ACVR2A: variants seen among roughly 807,000 people sequenced by gnomAD.
The protein encoded by ACVR2A is activin A receptor type 2A.
Under a neutral mutation model 61.4 loss-of-function variants are expected in ACVR2A, and 7 were observed. That is an observed-to-expected ratio of 0.11 (90% confidence interval 0.06 to 0.21). ACVR2A has a LOEUF of 0.21. Among genes scored for constraint, ACVR2A ranks in the 10% least tolerant of loss-of-function variants. The probability of loss-of-function intolerance (pLI) is 1.00; values close to 1 mark genes in which losing one functional copy is unlikely to be tolerated. For missense variants in ACVR2A, 322 were observed against 621.7 expected, an observed-to-expected ratio of 0.52 and a Z score of 5.13; for synonymous variants, 193 against 208.3, an observed-to-expected ratio of 0.93 and a Z score of 0.63.
chr2:147,847,576 A>G (rs1685344358), intron 1 of ACVR2A, among the ~76,000 whole-genome samples: 1 of 152,124 alleles, frequency 6.6e-6, no homozygotes, highest in Non-Finnish European at 1.5e-5. Flanking sequence ...AGGGATGTTT[A>G]CTATTTCGTG....
At chr2:147,925,826 C>A in intron 9 of ACVR2A, 1 of 478,870 alleles carries the variant, frequency 2.1e-6, no homozygotes, top group Non-Finnish European at 3.6e-6. Flanking sequence ...GAATTACATG[C>A]CAAATTATAG....
chr2:147,899,775 C>G lies in ACVR2A; in HGVS notation c.405C>G (p.Pro135=). 1 of 1,613,704 alleles carries G rather than the reference C, an allele frequency of 6.2e-7. No individual in the cohort carries two copies. The highest frequency in any genetic ancestry group is 8.5e-7 in the Non-Finnish European group (1 of 1,179,704). The part of the protein sequence containing the change: ...PTSNPVTPKP[P]YYNILLYSLV... ...CAAATCCAGTTACACCTAAGCCACC[C>G]TATTACAACATCCTGCTCTATTCCT... Residue 135 remains proline (P), a synonymous_variant, in exon 4 of 11, where the codon CCC becomes CCG. Transcript: ENST00000241416.
chr2:147,853,875 G>A (rs779856702), intron 1 of ACVR2A, among the ~76,000 whole-genome samples: 1 of 152,024 alleles, frequency 6.6e-6, no homozygotes, highest in Non-Finnish European at 1.5e-5. Context: ...TATTTCAAGA[G>A]GAAGGGGCAT....
intron 1 of ACVR2A, among the ~76,000 whole-genome samples, chr2:147,872,007 C>T (rs988164986): frequency 2.0e-5 from 3 of 152,032 alleles, no homozygotes; most frequent in African/African-American, 4.8e-5. Context: ...TGCTTGTTCT[C>T]TGATGCAAGT....
intron 1 of ACVR2A, among the ~76,000 whole-genome samples, chr2:147,846,582 G>A (rs1685318806): frequency 6.6e-6 from 1 of 152,102 alleles, no homozygotes; most frequent in Admixed American, 6.6e-5. Context: ...ATCATTGCCA[G>A]AGATTAACCA....
intron 4 of ACVR2A, among the ~76,000 whole-genome samples, chr2:147,903,501 A>G (rs1686919062): frequency 6.6e-6 from 1 of 151,846 alleles, no homozygotes; most frequent in South Asian, 2.1e-4. Context: ...CATCTGTACT[A>G]TTGCCAGAAT....
intron 1 of ACVR2A, among the ~76,000 whole-genome samples, chr2:147,870,751 G>T (rs965478617): frequency 5.9e-5 from 9 of 152,004 alleles, no homozygotes; most frequent in Non-Finnish European, 1.2e-4. Context: ...CCCTTTTAAT[G>T]AGTTTCCTTT....
chr2:147,849,022 A>C (rs1240064803), intron 1 of ACVR2A, among the ~76,000 whole-genome samples: 1 of 152,140 alleles, frequency 6.6e-6, no homozygotes, highest in Non-Finnish European at 1.5e-5. Context: ...TTAGAGAAAC[A>C]GACTATAGAT....
chr2:147,905,578 G>A (rs1354413296), intron 4 of ACVR2A, among the ~76,000 whole-genome samples: 3 of 151,998 alleles, frequency 2.0e-5, no homozygotes, highest in Non-Finnish European at 4.4e-5. Flanking sequence ...GTGGGTGTGT[G>A]TATGTGTATG....
intron 8 of ACVR2A, 115 bp from the exon 9 acceptor site, chr2:147,922,858 G>T (rs2303392): frequency 9.9e-7 from 1 of 1,006,846 alleles, no homozygotes; most frequent in Non-Finnish European, 1.5e-6. Context: ...ACGCTATAGT[G>T]TGTATACCTT....
At chr2:147,908,051 A>G (rs528623354) in intron 4 of ACVR2A, among the ~76,000 whole-genome samples, 62 of 143,206 alleles carry the variant, frequency 4.3e-4, no homozygotes, top group African/African-American at 1.5e-3. Flanking sequence ...AAAAAAAAAA[A>G]AAAGAAAAAA....
intron 1 of ACVR2A, among the ~76,000 whole-genome samples, chr2:147,863,936 A>C (rs1363500221): frequency 6.6e-6 from 1 of 152,228 alleles, no homozygotes; most frequent in Non-Finnish European, 1.5e-5. Context: ...TAAAATGATT[A>C]TACCTTGACT....
intron 9 of ACVR2A, among the ~76,000 whole-genome samples, chr2:147,924,551 G>C (rs1186103210): frequency 6.6e-6 from 1 of 151,868 alleles, no homozygotes; most frequent in African/African-American, 2.4e-5. Context: ...AAAAGAAAAG[G>C]CTAGATACTG....
At chr2:147,920,432 ATTG>A (rs776933680) in intron 8 of ACVR2A, 88 bp downstream of exon 8, 54 of 1,002,552 alleles carry the variant, frequency 5.4e-5, no homozygotes, top group Non-Finnish European at 1.1e-5. Context: ...TTAGTCTAAA[ATTG>A]TTGTGGTGTT....
intron 5 of ACVR2A, among the ~76,000 whole-genome samples, chr2:147,916,250 A>G (rs914225051): frequency 9.2e-5 from 14 of 151,910 alleles, no homozygotes; most frequent in African/African-American, 3.4e-4. Flanking sequence ...TCAGAGAGAA[A>G]GTGTATTCTG....
At chr2:147,884,915 A>G (rs995546285) in intron 1 of ACVR2A, among the ~76,000 whole-genome samples, 1 of 152,066 alleles carries the variant, frequency 6.6e-6, no homozygotes, top group Non-Finnish European at 1.5e-5. Context: ...TCCTGGCTAT[A>G]CCCAATACTA....
chr2:147,865,991 TG>T (rs1394759259), intron 1 of ACVR2A, among the ~76,000 whole-genome samples: 14 of 152,126 alleles, frequency 9.2e-5, no homozygotes, highest in African/African-American at 3.1e-4. Context: ...ATGTTTTCTC[TG>T]TCAGGCCTGG....
chr2:147,872,444 AT>A (rs1686044310), intron 1 of ACVR2A, among the ~76,000 whole-genome samples: 1 of 151,312 alleles, frequency 6.6e-6, no homozygotes, highest in Admixed American at 6.6e-5. Flanking sequence ...GACTGCAGTG[AT>A]TTTTTTATTT....
At chr2:147,852,678 A>C (rs1453948952) in intron 1 of ACVR2A, among the ~76,000 whole-genome samples, 2 of 152,080 alleles carry the variant, frequency 1.3e-5, no homozygotes, top group Non-Finnish European at 2.9e-5. Flanking sequence ...ACAACATTAG[A>C]TTGTAATTTT....
Sources: gnomAD v4.1 joint callset for allele counts (sites outside exome capture counted in the v4.1 genomes callset) on GRCh38, gnomAD v4.1.1 for gene constraint, MANE v1.5 for transcripts, NCBI Gene and HGNC (gene_info 2026-07-23, HGNC 2026-07-21) for gene names.